Variants in NCOA2 observed in about 807,000 individuals in gnomAD.
NCOA2 encodes nuclear receptor coactivator 2.
In NCOA2, 21 loss-of-function variants were observed where a neutral mutation model predicts 145.1. The observed-to-expected ratio is 0.14, with a 90% CI of 0.10 to 0.21. The LOEUF is 0.21. Among genes scored for constraint, NCOA2 ranks in the 10% least tolerant of loss-of-function variants. NCOA2 has a pLI of 1.00. For missense variants in NCOA2, 1,472 were observed against 1,837.6 expected, an observed-to-expected ratio of 0.80 and a Z score of 3.64; for synonymous variants, 619 against 637.5, an observed-to-expected ratio of 0.97 and a Z score of 0.44.
intron 11 of NCOA2, among the ~76,000 whole-genome samples, chr8:70,150,847 C>CA (rs1811663781): frequency 6.6e-6 from 1 of 152,116 alleles, no homozygotes. Context: ...AAATCTTCCC[C>CA]AAATCAGTAA....
intron 12 of NCOA2, 99 bp downstream of exon 12, chr8:70,148,174 A>T: frequency 8.1e-7 from 1 of 1,227,606 alleles, no homozygotes; most frequent in South Asian, 1.2e-5. Context: ...CAAAAACCTT[A>T]AAGTGACTAA....
intron 1 of NCOA2, among the ~76,000 whole-genome samples, chr8:70,375,915 T>C (rs1811624614): frequency 6.6e-6 from 1 of 152,234 alleles, no homozygotes; most frequent in Non-Finnish European, 1.5e-5. Flanking sequence ...CCATTTGCTC[T>C]TTTCACTTTA....
chr8:70,235,541 T>A (rs1821516468), intron 2 of NCOA2, among the ~76,000 whole-genome samples: 1 of 152,180 alleles, frequency 6.6e-6, no homozygotes, highest in Non-Finnish European at 1.5e-5. Flanking sequence ...AGGTGTGGTA[T>A]GACCATCAAT....
At chr8:70,188,719 GA>G (rs1189314837) in intron 4 of NCOA2, among the ~76,000 whole-genome samples, 1 of 152,110 alleles carries the variant, frequency 6.6e-6, no homozygotes, top group Non-Finnish European at 1.5e-5. Context: ...AAGTCAAAAT[GA>G]AAAGAAATAG....
intron 1 of NCOA2, among the ~76,000 whole-genome samples, chr8:70,386,600 C>A (rs569132369): frequency 1.3e-5 from 2 of 152,240 alleles, no homozygotes; most frequent in Admixed American, 1.3e-4. Flanking sequence ...AGGGGCCATA[C>A]TTTTTCTTTA....
chr8:70,451,091 G>A, the NCOA2 span, among the ~76,000 whole-genome samples: 7 of 149,060 alleles, frequency 4.7e-5, no homozygotes, highest in African/African-American at 1.7e-4. Context: ...GGTGGCGGGC[G>A]CCTGTAGTCC....
At chr8:70,414,030 G>A in the NCOA2 span, among the ~76,000 whole-genome samples, 1 of 152,038 alleles carries the variant, frequency 6.6e-6, no homozygotes, top group South Asian at 2.1e-4. Context: ...TATTTTCTGT[G>A]TATATATGAT....
At chr8:70,216,835 C>T (rs1819669610) in intron 2 of NCOA2, 71 bp from the exon 3 acceptor site, 1 of 978,088 alleles carries the variant, frequency 1.0e-6, no homozygotes, top group Admixed American at 1.9e-5. Flanking sequence ...GATCATTTTA[C>T]CAACAATAAA....
chr8:70,379,873 C>T (rs1812037419), intron 1 of NCOA2, among the ~76,000 whole-genome samples: 1 of 152,086 alleles, frequency 6.6e-6, no homozygotes, highest in Non-Finnish European at 1.5e-5. Flanking sequence ...TCAACTAAAA[C>T]TCATACAAAA....
chr8:70,162,910 A>AT lies in NCOA2; in HGVS notation c.833-57_833-56insA, dbSNP rs754512363. The AT allele has an allele frequency of 3.2e-3, 3,104 of 963,402 alleles. 20 individuals are homozygous for AT. The highest frequency in any genetic ancestry group is 9.6e-3 in the Admixed American group (224 of 23,416). The allele number at this position is 963,402 out of a possible 1,614,324, so 59.7% of individuals were successfully genotyped here. On this transcript the variant is annotated intron_variant, in intron 8 of 22. Transcript: ENST00000452400. ...ATGTTGATCTATTCTTTATGGAAAT[A>AT]ATTTTTTTTTTTTTTTTTTTTTGAG... is the stretch of plus-strand genomic sequence containing the variant.
chr8:70,161,112 G>T (rs1036472359), intron 9 of NCOA2, among the ~76,000 whole-genome samples: 1 of 152,188 alleles, frequency 6.6e-6, no homozygotes, highest in Admixed American at 6.5e-5. Context: ...CTTTGCAGTA[G>T]ATTTCTGTTC....
chr8:70,189,630 G>C (rs555509696), intron 4 of NCOA2, among the ~76,000 whole-genome samples: 2 of 152,272 alleles, frequency 1.3e-5, no homozygotes, highest in African/African-American at 4.8e-5. Context: ...TTTTGTTTTA[G>C]AGAAGTAGTA....
chr8:70,147,546 T>G (rs1811241943), intron 12 of NCOA2, among the ~76,000 whole-genome samples: 2 of 152,370 alleles, frequency 1.3e-5, no homozygotes, highest in Middle Eastern at 3.4e-3. Flanking sequence ...TTTTCTTCCA[T>G]TCAAGATTAT....
intron 15 of NCOA2, among the ~76,000 whole-genome samples, chr8:70,133,030 C>T (rs150586213): frequency 2.0e-5 from 3 of 152,014 alleles, no homozygotes; most frequent in Middle Eastern, 3.4e-3. Context: ...ACATACAACT[C>T]CTATACATTT....
intron 1 of NCOA2, among the ~76,000 whole-genome samples, chr8:70,315,177 T>C (rs1805490400): frequency 6.6e-6 from 1 of 152,210 alleles, no homozygotes; most frequent in Non-Finnish European, 1.5e-5. Flanking sequence ...AGTCATTCTA[T>C]GTTTGATTTC....
chr8:70,344,703 G>C (rs1199504653), intron 1 of NCOA2, among the ~76,000 whole-genome samples: 1 of 152,160 alleles, frequency 6.6e-6, no homozygotes, highest in East Asian at 1.9e-4. Context: ...GGGGAGTAAA[G>C]TTCCATGAGC....
At chr8:70,358,822 A>C (rs552427651) in intron 1 of NCOA2, among the ~76,000 whole-genome samples, 2 of 152,198 alleles carry the variant, frequency 1.3e-5, no homozygotes, top group Non-Finnish European at 2.9e-5. Flanking sequence ...GGTGAAAACT[A>C]TATGTATATC....
intron 6 of NCOA2, among the ~76,000 whole-genome samples, chr8:70,169,974 T>C (rs1455126770): frequency 6.6e-6 from 1 of 152,126 alleles, no homozygotes; most frequent in African/African-American, 2.4e-5. Context: ...ACTTTAAATA[T>C]AGGATCGAAA....
intron 2 of NCOA2, among the ~76,000 whole-genome samples, chr8:70,289,894 G>A: frequency 6.6e-6 from 1 of 151,914 alleles, no homozygotes; most frequent in East Asian, 1.9e-4. Flanking sequence ...GCTATTCACA[G>A]GTAATCAGGA....
Sources: gnomAD v4.1 joint callset for allele counts (sites outside exome capture counted in the v4.1 genomes callset) on GRCh38, gnomAD v4.1.1 for gene constraint, MANE v1.5 for transcripts, NCBI Gene and HGNC (gene_info 2026-07-23, HGNC 2026-07-21) for gene names.